IQCN: variants seen among roughly 807,000 people sequenced by gnomAD.
The protein encoded by IQCN is IQ domain-containing protein N.
Under a neutral mutation model 64.4 loss-of-function variants are expected in IQCN, and 46 were observed. The ratio of observed to expected loss-of-function variants is 0.71; its 90% CI spans 0.56 to 0.91. The LOEUF (loss-of-function observed/expected upper bound fraction) is 0.91, where lower values mean the gene tolerates loss of function less well. Among genes scored for constraint, IQCN ranks in the 40% least tolerant of loss-of-function variants. The pLI, the probability that IQCN is intolerant of heterozygous loss-of-function variation, is 0.00. For missense variants in IQCN, 1,753 were observed against 1,857.4 expected (o/e 0.94, Z 1.03); for synonymous variants, 733 against 775.6 (o/e 0.95, Z 0.91).
At chr19:18,261,275 G>A (rs2148095522) in intron 3 of IQCN, 1 of 153,282 alleles carries the variant, frequency 6.5e-6, no homozygotes, top group Non-Finnish European at 1.5e-5. Context: ...ATTCCCCAGT[G>A]GACTGAGGAG....
At chr19:18,263,647 G>A (rs1256543077) in intron 3 of IQCN, among the ~76,000 whole-genome samples, 1 of 152,112 alleles carries the variant, frequency 6.6e-6, no homozygotes, top group African/African-American at 2.4e-5. Flanking sequence ...TTTGGGGGCT[G>A]ATACCTCCTC....
rs2148089934 is a variant in IQCN, at chr19:18,257,848, T to C, written c.3436A>G (p.Thr1146Ala). The stretch of plus-strand genomic sequence containing the variant: ...CGCCGCACACGGTAGCCGCGCCAAG[T>C]AGCTTGGATGACCATGGCCCCCCGG... ...WHRGAMVIQA[T>A]WRGYRVRRNL... Residue 1146 changes from threonine (T) to alanine (A), a missense_variant, in exon 4 of 4, where the codon ACT becomes GCT. Thr to Ala is a moderately conservative substitution (Grantham distance 58). Coordinates refer to ENST00000392413, the MANE Select transcript of IQCN (RefSeq NM_001145304.2). 6.2e-7 allele frequency: 1 copy of C among 1,611,862 alleles called. No individual in the cohort carries two copies. Among genetic ancestry groups the C allele is most frequent in the South Asian group, 1.1e-5 (1 of 91,052 alleles).
At chr19:18,272,779 A>T (rs1191783196) in intron 1 of IQCN, among the ~76,000 whole-genome samples, 1 of 150,724 alleles carries the variant, frequency 6.6e-6, no homozygotes, top group East Asian at 2.0e-4. Flanking sequence ...CCCAGTTAAT[A>T]TTTTGTATTT....
chr19:18,257,971 A>T lies in IQCN; in HGVS notation c.3313T>A (p.Ser1105Thr). ...CGGATCTCCTCTGCAGCCTGCATGG[A>T]CACCATTGGCTCCCCGGACCGCCTG... Reference protein sequence around the residue: ...PPRRSGEPMVSMQAAEEIRIL... With the variant: ...PPRRSGEPMVTMQAAEEIRIL... Residue 1105 changes from serine to threonine, a missense_variant, in exon 4 of 4, where the codon TCC (serine) becomes ACC (threonine). Transcript: ENST00000392413. 6 of 1,612,484 alleles carry T rather than the reference A, an allele frequency of 3.7e-6. No homozygotes were observed. The highest frequency in any genetic ancestry group is 5.1e-6 in the Non-Finnish European group (6 of 1,179,678).
At position 18,257,254 on chromosome 19, in the gene IQCN, T is replaced by G; in HGVS notation, c.4030A>C (p.Lys1344Gln). The G allele has an allele frequency of 6.2e-7, 1 of 1,613,730 alleles. No individual in the cohort carries two copies. The highest frequency in any genetic ancestry group is 8.5e-7 in the Non-Finnish European group (1 of 1,180,034). Reference protein sequence around the residue: ...WRGHHTRSCLKNTEALLGPAD... With the variant: ...WRGHHTRSCLQNTEALLGPAD... ...GGTCCCAAGAGCGCCTCTGTGTTCTTCAGACAGCTCCGGGTATGGTGGCCT... is the reference window on the plus strand; with the variant it reads ...GGTCCCAAGAGCGCCTCTGTGTTCTGCAGACAGCTCCGGGTATGGTGGCCT... The change falls in exon 4 of 4, where the codon AAG becomes CAG. Residue 1344 changes from lysine (K) to glutamine (Q), a missense_variant. Coordinates refer to ENST00000392413, the MANE Select transcript of IQCN (RefSeq NM_001145304.2).
chr19:18,258,490 C>T (rs920682055), intron 3 of IQCN: 3 of 477,774 alleles, frequency 6.3e-6, no homozygotes, highest in African/African-American at 2.0e-5. Context: ...GGGCCCATGG[C>T]GTCCCAGCGG....
intron 1 of IQCN, among the ~76,000 whole-genome samples, chr19:18,273,734 C>T (rs1469024): frequency 0.64 from 97,829 of 151,978 alleles, 31,578 homozygotes; most frequent in East Asian, 0.82. Flanking sequence ...GACAGCAGCT[C>T]TGGGAGCTGA....
At position 18,269,196 on chromosome 19, in the gene IQCN, TGAAGA is replaced by T. The variant is rs71705004; in HGVS notation, c.13+265_13+269del. ...AATTAAAGAGAGCTGGAAAGACTGG[TGAAGA>T]GATAACCCAACAGGAGGTAGACTGA... is the stretch of plus-strand genomic sequence containing the variant. On this transcript the variant is annotated intron_variant, in intron 2 of 3. Transcript: ENST00000392413. Among the ~76,000 whole-genome samples the T allele has an allele frequency of 9.2e-3, 1,366 of 148,544 alleles. 17 individuals are homozygous for T. Among genetic ancestry groups the T allele is most frequent in the African/African-American group, 0.032 (1,277 of 39,954 alleles).
Position 18,264,908 on chromosome 19 carries a change from C to T in IQCN, c.2632G>A (p.Ala878Thr), listed in dbSNP as rs1375912417. 3.7e-6 allele frequency: 6 copies of T among 1,613,296 alleles called. No individual in the cohort carries two copies. The highest frequency in any genetic ancestry group is 4.2e-6 in the Non-Finnish European group (5 of 1,179,978). ...CQEDTVGSLL[A>T]SLCAEVAGVL... ...CCAGCTACTTCAGCACACAAGGAGG[C>T]CAGCAGGGAGCCTACCGTGTCCTCC... The change falls in exon 3 of 4, where the codon GCC (alanine) becomes ACC (threonine). Residue 878 changes from alanine to threonine, a missense_variant. Physicochemically the swap from Ala to Thr is moderately conservative, Grantham distance 58 (BLOSUM62 0). Transcript: ENST00000392413. This position sits in a 1 kb window ranked among gnomAD's most constrained non-coding sequence, Gnocchi z 4.3.
chr19:18,267,125 G>T lies in IQCN; in HGVS notation c.415C>A (p.Arg139Ser), dbSNP rs199691381. ...AAKAIQEAWR[R>S]FNKRHILHSS... The stretch of plus-strand genomic sequence containing the variant: ...TGAAGGATGTGTCTCTTGTTGAAGC[G>T]CCGCCAGGCCTCCTGGATGGCCTTG... The change falls in exon 3 of 4, where the codon CGC (arginine) becomes AGC (serine). Residue 139 changes from arginine to serine, a missense_variant. Coordinates refer to ENST00000392413, the MANE Select transcript of IQCN (RefSeq NM_001145304.2). The T allele has an allele frequency of 6.2e-7, 1 of 1,614,230 alleles. No individual in the cohort carries two copies. Among genetic ancestry groups the T allele is most frequent in the Non-Finnish European group, 8.5e-7 (1 of 1,180,042 alleles).
intron 1 of IQCN, among the ~76,000 whole-genome samples, chr19:18,273,961 C>A (rs1178633739): frequency 6.6e-6 from 1 of 152,164 alleles, no homozygotes; most frequent in Non-Finnish European, 1.5e-5. Context: ...TCACCATCCT[C>A]AGGTTGCCAA....
chr19:18,257,866 C>A lies in IQCN; in HGVS notation c.3418G>T (p.Ala1140Ser), dbSNP rs371797461. The A allele has an allele frequency of 1.2e-6, 2 of 1,611,834 alleles. No homozygotes were observed. The highest frequency in any genetic ancestry group is 8.5e-7 in the Non-Finnish European group (1 of 1,179,854). Reference sequence around the variant, plus strand: ...CGCCAAGTAGCTTGGATGACCATGGCCCCCCGGTGCCACAGCCGGATCCTG... The same window carrying A: ...CGCCAAGTAGCTTGGATGACCATGGACCCCCGGTGCCACAGCCGGATCCTG... ...RRRIRLWHRGAMVIQATWRGY... is the reference protein window; with the variant it reads ...RRRIRLWHRGSMVIQATWRGY... Residue 1140 changes from alanine to serine, a missense_variant, in exon 4 of 4, where the codon GCC becomes TCC. By Grantham distance (99) the Ala-to-Ser change is moderately conservative. Transcript: ENST00000392413.
In IQCN at chr19:18,257,841, C is replaced by T. The variant is rs769410268; in HGVS notation, c.3443G>A (p.Arg1148His). The T allele has an allele frequency of 5.3e-5, 86 of 1,611,560 alleles. No homozygotes were observed. In the Admixed American group the frequency reaches 7.3e-4, roughly 14 times the overall value. ...RGAMVIQATW[R>H]GYRVRRNLAH... The stretch of plus-strand genomic sequence containing the variant: ...CAGGTTCCGCCGCACACGGTAGCCG[C>T]GCCAAGTAGCTTGGATGACCATGGC... Residue 1148 changes from arginine (R) to histidine (H), a missense_variant, in exon 4 of 4, where the codon CGC (arginine) becomes CAC (histidine). Transcript: ENST00000392413.
Position 18,257,566 on chromosome 19 carries a change from C to A in IQCN, c.3718G>T (p.Gly1240Trp). Residue 1240 changes from glycine to tryptophan, a missense_variant, in exon 4 of 4, where the codon GGG (glycine) becomes TGG (tryptophan). Physicochemically the swap from Gly to Trp is radical, Grantham distance 184 (BLOSUM62 -2). Coordinates refer to ENST00000392413, the MANE Select transcript of IQCN (RefSeq NM_001145304.2). ...SVCHSLSSRIGSPPSVVMLVG... is the reference protein window; with the variant it reads ...SVCHSLSSRIWSPPSVVMLVG... Reference sequence around the variant, plus strand: ...AGCATCACCACGCTGGGCGGGCTCCCGATCCTGGAGCTCAGGGAGTGGCAG... The same window carrying A: ...AGCATCACCACGCTGGGCGGGCTCCAGATCCTGGAGCTCAGGGAGTGGCAG... 1 of 1,612,600 alleles carries A rather than the reference C, an allele frequency of 6.2e-7. No individual in the cohort carries two copies.
chr19:18,257,486 A>AC lies in IQCN; in HGVS notation c.3797dup (p.Val1267CysfsTer10), dbSNP rs757071585. The AC allele has an allele frequency of 4.4e-5, 70 of 1,608,536 alleles. No homozygotes were observed. The highest frequency in any genetic ancestry group is 5.9e-5 in the Non-Finnish European group (69 of 1,177,758). On this transcript the variant is annotated frameshift_variant, in exon 4 of 4. Coordinates refer to ENST00000392413, the MANE Select transcript of IQCN (RefSeq NM_001145304.2). LOFTEE classifies it low-confidence loss of function (END_TRUNC). ...TGCCCTGGCCCATGCCCTGCACCAC[A>AC]CGGGTGGGCTGTGTGCGTCCACAGG...
At chr19:18,273,757 C>T (rs1350052804) in intron 1 of IQCN, among the ~76,000 whole-genome samples, 1 of 152,136 alleles carries the variant, frequency 6.6e-6, no homozygotes, top group Non-Finnish European at 1.5e-5. Flanking sequence ...GGGCCCATTC[C>T]AGGGGCTGAG....
chr19:18,265,797 C>T lies in IQCN; in HGVS notation c.1743G>A (p.Arg581=), dbSNP rs779264398. 6.2e-7 allele frequency: 1 copy of T among 1,614,182 alleles called. No homozygotes were observed. The highest frequency in any genetic ancestry group is 2.2e-5 in the East Asian group (1 of 44,892). ...TTCCCGGATGTGGTTGAGCCAGGCA[C>T]CTGATCTTCCCCTCAGCCAAATAGG... ...SPSYLAEGKI[R]CLAQPHPGTG... Residue 581 remains arginine (R), a synonymous_variant, in exon 3 of 4, where the codon AGG becomes AGA. Transcript: ENST00000392413. The surrounding 1 kb of genome is among the most constrained non-coding windows in gnomAD (Gnocchi z 4.7).
chr19:18,269,603 C>T lies in IQCN; in HGVS notation c.-109-16G>A. On this transcript the variant is annotated splice_polypyrimidine_tract_variant and intron_variant, in intron 1 of 3. Coordinates refer to ENST00000392413, the MANE Select transcript of IQCN (RefSeq NM_001145304.2). ...CTGCCCTGGGCTGGCTCAAGACCAA[C>T]ACAAAAAGAAATGTTAAAAGCAAAA... 2.9e-6 allele frequency: 2 copies of T among 691,068 alleles called. No individual in the cohort carries two copies. The highest frequency in any genetic ancestry group is 4.5e-6 in the Non-Finnish European group (2 of 447,080). 42.8% of individuals were successfully genotyped at this position (691,068 alleles called of 1,614,324 possible). A position where few individuals can be genotyped will look rare whatever the true frequency, so the allele number is the denominator to read the frequency against.
At chr19:18,270,855 A>G (rs1969720924) in intron 1 of IQCN, among the ~76,000 whole-genome samples, 1 of 148,674 alleles carries the variant, frequency 6.7e-6, no homozygotes, top group Admixed American at 6.7e-5. Flanking sequence ...AAAGATTGTG[A>G]TTAAAGAGTA....
Sources: allele counts gnomAD v4.1 joint callset (sites outside exome capture counted in the v4.1 genomes callset), GRCh38; gene constraint gnomAD v4.1.1; non-coding constraint Gnocchi (gnomAD v3.1); transcripts MANE v1.5; gene names NCBI Gene and HGNC (gene_info 2026-07-23, HGNC 2026-07-21).